Variants in THRB observed in about 807,000 individuals in gnomAD.
THRB encodes the protein thyroid hormone receptor beta, also known as nuclear receptor subfamily 1 group A member 2.
Under a neutral mutation model 47.8 loss-of-function variants are expected in THRB, and 12 were observed. That is an observed-to-expected ratio of 0.25 (90% CI 0.16 to 0.41). THRB has a LOEUF of 0.41. Ranked by LOEUF, THRB falls within the 10% of genes least tolerant of loss-of-function variation. The pLI, the probability that THRB is intolerant of heterozygous loss-of-function variation, is 1.00. For missense variants in THRB, 348 were observed against 589.2 expected, an observed-to-expected ratio of 0.59 and a Z score of 4.24; for synonymous variants, 218 against 212.2, an observed-to-expected ratio of 1.03 and a Z score of -0.24.
intron 1 of THRB, among the ~76,000 whole-genome samples, chr3:24,454,780 G>C (rs1314338195): frequency 6.6e-6 from 1 of 152,050 alleles, no homozygotes; most frequent in African/African-American, 2.4e-5. Context: ...TTTAGCATGG[G>C]ACAAGATATA....
At chr3:24,250,951 C>G (rs2150359963) in intron 3 of THRB, among the ~76,000 whole-genome samples, 1 of 151,604 alleles carries the variant, frequency 6.6e-6, no homozygotes, top group East Asian at 1.9e-4. Flanking sequence ...AGAAACTTTC[C>G]AAGAGTAGAA....
intron 1 of THRB, among the ~76,000 whole-genome samples, chr3:24,365,271 G>A (rs930458613): frequency 6.6e-6 from 1 of 152,124 alleles, no homozygotes; most frequent in Non-Finnish European, 1.5e-5. Context: ...AAGCTTGGGA[G>A]TGTGCAGGAA....
chr3:24,228,819 T>C, intron 4 of THRB, 119 bp downstream of exon 4: 1 of 923,832 alleles, frequency 1.1e-6, no homozygotes, highest in South Asian at 1.4e-5. Context: ...TAATAACACT[T>C]ATTGGTTTGG....
At chr3:24,166,463 T>C (rs2039657286) in intron 5 of THRB, among the ~76,000 whole-genome samples, 1 of 152,188 alleles carries the variant, frequency 6.6e-6, no homozygotes, top group African/African-American at 2.4e-5. Context: ...TACTTAAAGA[T>C]AGTGATCAAA....
At chr3:24,164,006 A>T (rs1382757299) in intron 5 of THRB, among the ~76,000 whole-genome samples, 1 of 152,150 alleles carries the variant, frequency 6.6e-6, no homozygotes, top group East Asian at 1.9e-4. Flanking sequence ...AGAGAAATTT[A>T]CCTTTGAGGA....
intron 5 of THRB, among the ~76,000 whole-genome samples, chr3:24,188,186 C>G (rs1253517863): frequency 6.6e-6 from 1 of 152,152 alleles, no homozygotes; most frequent in Non-Finnish European, 1.5e-5. Flanking sequence ...TCATTTCTTA[C>G]CAGGCTCACA....
In THRB at chr3:24,118,503, T is replaced by G. The variant is rs1406640188; in HGVS notation, c.*4381A>C. 6.6e-6 allele frequency: 1 copy of G among 152,592 alleles called. No individual in the cohort carries two copies. Among genetic ancestry groups the G allele is most frequent in the Non-Finnish European group, 1.5e-5 (1 of 68,034 alleles). 9.5% of individuals were successfully genotyped at this position (152,592 alleles called of 1,614,324 possible). A position where few individuals can be genotyped will look rare whatever the true frequency, so the allele number is the denominator to read the frequency against. On this transcript the variant is annotated 3_prime_UTR_variant, in exon 11 of 11. Transcript: ENST00000646209. ...CTATTCTGTAGTATTTTTCTGATTC[T>G]CAGGGCATGAAAACATTATGGGAAA...
intron 1 of THRB, among the ~76,000 whole-genome samples, chr3:24,419,490 A>G (rs2069048395): frequency 6.6e-6 from 1 of 151,862 alleles, no homozygotes; most frequent in Non-Finnish European, 1.5e-5. Context: ...TATGATAAAA[A>G]CCTTTTTACT....
At chr3:24,376,365 G>C (rs973693505) in intron 1 of THRB, among the ~76,000 whole-genome samples, 1 of 152,174 alleles carries the variant, frequency 6.6e-6, no homozygotes, top group South Asian at 2.1e-4. Context: ...GCTGGGTGAA[G>C]AAAACTGAGA....
chr3:24,234,532 G>A (rs1169941333), intron 3 of THRB, among the ~76,000 whole-genome samples: 2 of 152,134 alleles, frequency 1.3e-5, no homozygotes, highest in Non-Finnish European at 2.9e-5. Context: ...ATCAACCCAA[G>A]GATCTGTCTA....
intron 1 of THRB, among the ~76,000 whole-genome samples, chr3:24,358,077 T>A (rs2063812607): frequency 6.6e-6 from 1 of 152,192 alleles, no homozygotes; most frequent in Non-Finnish European, 1.5e-5. Flanking sequence ...CAGTGACTGG[T>A]TCCTGGTAGA....
At chr3:24,287,955 C>A (rs927228791) in intron 3 of THRB, among the ~76,000 whole-genome samples, 2 of 152,214 alleles carry the variant, frequency 1.3e-5, no homozygotes, top group African/African-American at 4.8e-5. Context: ...ATTTACTGTG[C>A]ACTTGTCTTG....
intron 1 of THRB, chr3:24,458,553 G>A (rs1343450967): frequency 6.6e-6 from 1 of 152,094 alleles, no homozygotes; most frequent in Non-Finnish European, 1.5e-5. Context: ...TAATGCACTG[G>A]TTACTAACAA....
At chr3:24,426,185 T>G (rs185348914) in intron 1 of THRB, among the ~76,000 whole-genome samples, 86 of 152,076 alleles carry the variant, frequency 5.7e-4, no homozygotes, top group African/African-American at 2.0e-3. Context: ...CTATCTGGCA[T>G]TTAGAAGAGT....
chr3:24,238,291 G>T lies in THRB; in HGVS notation c.-42-9290C>A, dbSNP rs78269055. ...TGTGTGTGTGTGTGGGGGGGGGGGG[G>T]GTGTGTGGGGTGTGTGTGTGATGAA... On this transcript the variant is annotated intron_variant, in intron 3 of 10. Transcript: ENST00000646209. Among the ~76,000 whole-genome samples, 145 of 107,592 alleles carry T rather than the reference G, an allele frequency of 1.3e-3. 1 individual carries two copies. Among genetic ancestry groups the T allele is most frequent in the South Asian group, 9.3e-3 (28 of 3,006 alleles). The allele number at this position is 107,592 out of a possible 152,430, so 70.6% of individuals were successfully genotyped here. A position where few individuals can be genotyped will look rare whatever the true frequency, so the allele number is the denominator to read the frequency against.
intron 5 of THRB, among the ~76,000 whole-genome samples, chr3:24,159,859 A>G (rs773011682): frequency 6.6e-6 from 1 of 152,120 alleles, no homozygotes; most frequent in Non-Finnish European, 1.5e-5. Context: ...AAAGAATTAT[A>G]TGGCCCCAAT....
At chr3:24,131,801 G>C (rs2033897779) in intron 9 of THRB, among the ~76,000 whole-genome samples, 1 of 152,160 alleles carries the variant, frequency 6.6e-6, no homozygotes, top group South Asian at 2.1e-4. Flanking sequence ...GAACGTCCCA[G>C]CCTCCAGAAC....
intron 4 of THRB, among the ~76,000 whole-genome samples, chr3:24,192,380 T>C (rs1397068195): frequency 6.6e-6 from 1 of 152,188 alleles, no homozygotes; most frequent in African/African-American, 2.4e-5. Flanking sequence ...CATGTTTTTA[T>C]GGTGTCTGCT....
intron 9 of THRB, among the ~76,000 whole-genome samples, chr3:24,128,434 C>T (rs1489344434): frequency 6.6e-6 from 1 of 152,152 alleles, no homozygotes; most frequent in African/African-American, 2.4e-5. Context: ...GTCTTTCTGC[C>T]AGTGTTGCAA....
Sources: allele counts gnomAD v4.1 joint callset (sites outside exome capture counted in the v4.1 genomes callset), GRCh38; gene constraint gnomAD v4.1.1; transcripts MANE v1.5; gene names NCBI Gene and HGNC (gene_info 2026-07-23, HGNC 2026-07-21).